ENTREP2: variants seen among roughly 807,000 people sequenced by gnomAD.
ENTREP2 encodes the protein protein ENTREP2.
the ENTREP2 span, among the ~76,000 whole-genome samples, chr15:29,529,741 T>C: frequency 1.3e-5 from 2 of 152,164 alleles, no homozygotes; most frequent in African/African-American, 4.8e-5. Context: ...CTAGAGTGGC[T>C]GATTGACTTG....
chr15:29,120,014 A>G, the ENTREP2 span, among the ~76,000 whole-genome samples: 1 of 152,260 alleles, frequency 6.6e-6, no homozygotes, highest in African/African-American at 2.4e-5. Context: ...GGCCATGTCC[A>G]TGGAGGGGCT....
the ENTREP2 span, among the ~76,000 whole-genome samples, chr15:29,429,284 C>T: frequency 8.1e-4 from 124 of 152,286 alleles, no homozygotes; most frequent in African/African-American, 2.6e-3. Context: ...TGCACTGGTG[C>T]GATCTTGGCT....
At chr15:29,235,871 A>G in the ENTREP2 span, among the ~76,000 whole-genome samples, 1 of 152,000 alleles carries the variant, frequency 6.6e-6, no homozygotes, top group Admixed American at 6.6e-5. Context: ...GGCTGAGGCA[A>G]AAAACTGCTT....
At chr15:29,146,146 G>T in the ENTREP2 span, among the ~76,000 whole-genome samples, 2 of 152,128 alleles carry the variant, frequency 1.3e-5, no homozygotes, top group African/African-American at 4.8e-5. Flanking sequence ...ATAACTGAAA[G>T]AAATTAAAGA....
chr15:29,492,488 T>C, the ENTREP2 span, among the ~76,000 whole-genome samples: 4 of 152,266 alleles, frequency 2.6e-5, no homozygotes, highest in African/African-American at 7.2e-5. Context: ...CTACATCAGA[T>C]TGACAAATTG....
chr15:29,446,690 A>G, the ENTREP2 span, among the ~76,000 whole-genome samples: 2 of 152,212 alleles, frequency 1.3e-5, no homozygotes, highest in African/African-American at 4.8e-5. Context: ...AAAGCAACAC[A>G]AATTTATGAT....
At chr15:29,302,744 C>T in the ENTREP2 span, among the ~76,000 whole-genome samples, 1 of 152,236 alleles carries the variant, frequency 6.6e-6, no homozygotes, top group African/African-American at 2.4e-5. Flanking sequence ...GTTTTGGAAC[C>T]CTTGAGCAAT....
At chr15:29,130,793 A>G in the ENTREP2 span, among the ~76,000 whole-genome samples, 1 of 152,220 alleles carries the variant, frequency 6.6e-6, no homozygotes, top group Non-Finnish European at 1.5e-5. Flanking sequence ...ACGCTAAGCC[A>G]TGGGGAAAAT....
At chr15:29,443,431 C>A in the ENTREP2 span, among the ~76,000 whole-genome samples, 2 of 152,102 alleles carry the variant, frequency 1.3e-5, no homozygotes, top group Admixed American at 1.3e-4. Context: ...GGGATGAGTA[C>A]ATTAGGAAAT....
At chr15:29,626,099 G>A in the ENTREP2 span, among the ~76,000 whole-genome samples, 3 of 152,044 alleles carry the variant, frequency 2.0e-5, no homozygotes, top group Admixed American at 1.3e-4. Flanking sequence ...AACCCACCTC[G>A]GCCTCCCAAA....
At chr15:29,432,662 C>A in the ENTREP2 span, among the ~76,000 whole-genome samples, 2 of 152,196 alleles carry the variant, frequency 1.3e-5, no homozygotes, top group Non-Finnish European at 2.9e-5. Flanking sequence ...ATGCCCAGGG[C>A]AGTGCCCCTG....
chr15:29,673,892 C>CATATCATGGACATTGCTTTGGTA, the ENTREP2 span, among the ~76,000 whole-genome samples: 767 of 152,250 alleles, frequency 5.0e-3, 6 homozygotes, highest in African/African-American at 0.018. Context: ...TTTGCAAAGG[C>CATATCATGGACATTGCTTTGGTA]AGATCTACCA....
At chr15:29,629,387 C>T in the ENTREP2 span, among the ~76,000 whole-genome samples, 1 of 152,104 alleles carries the variant, frequency 6.6e-6, no homozygotes, top group South Asian at 2.1e-4. Flanking sequence ...TTGTGTACCT[C>T]TTCTTGATTT....
chr15:29,670,220 C>A, the ENTREP2 span, among the ~76,000 whole-genome samples: 1 of 152,072 alleles, frequency 6.6e-6, no homozygotes. Context: ...GACAGCAGTG[C>A]GGTTGGCAGA....
chr15:29,340,571 T>C, the ENTREP2 span, among the ~76,000 whole-genome samples: 1 of 152,218 alleles, frequency 6.6e-6, no homozygotes, highest in Non-Finnish European at 1.5e-5. Flanking sequence ...AAAAACTACC[T>C]GGAACAAGAG....
At chr15:29,343,028 G>GGGGA in the ENTREP2 span, among the ~76,000 whole-genome samples, 2 of 26,766 alleles carry the variant, frequency 7.5e-5, no homozygotes, top group Non-Finnish European at 3.8e-4. Flanking sequence ...AAAAAGGAAT[G>GGGGA]GGGGGGGTGG....
At chr15:29,541,300 G>A in the ENTREP2 span, among the ~76,000 whole-genome samples, 1 of 152,294 alleles carries the variant, frequency 6.6e-6, no homozygotes, top group African/African-American at 2.4e-5. Flanking sequence ...TCCGTAAATC[G>A]GTACTGAGCA....
At chr15:29,496,844 A>G in the ENTREP2 span, among the ~76,000 whole-genome samples, 1 of 152,180 alleles carries the variant, frequency 6.6e-6, no homozygotes, top group African/African-American at 2.4e-5. Context: ...CATCAGGGAT[A>G]TTGGCTTGTA....
At chr15:29,235,440 AAG>A in the ENTREP2 span, among the ~76,000 whole-genome samples, 1 of 152,190 alleles carries the variant, frequency 6.6e-6, no homozygotes, top group Non-Finnish European at 1.5e-5. Flanking sequence ...TGCTACCTTA[AAG>A]AGAGTCTCTA....
Sources: allele counts gnomAD v4.1 joint callset (sites outside exome capture counted in the v4.1 genomes callset), GRCh38; gene constraint gnomAD v4.1.1; transcripts MANE v1.5; gene names NCBI Gene and HGNC (gene_info 2026-07-23, HGNC 2026-07-21).